Variants in STK39 observed in about 807,000 individuals in gnomAD.
STK39 encodes the protein STE20/SPS1-related proline-alanine-rich protein kinase.
STK39 carries 20 observed loss-of-function variants against 77.8 expected under a neutral mutation model. The ratio of observed to expected loss-of-function variants is 0.26; its 90% CI spans 0.18 to 0.37. The LOEUF (loss-of-function observed/expected upper bound fraction) is 0.37, where lower values mean the gene tolerates loss of function less well. STK39 is among the 10% of genes least tolerant of loss of function. STK39 has a pLI of 1.00. For missense variants in STK39, 479 were observed against 656.5 expected (o/e 0.73, Z 2.95); for synonymous variants, 246 against 234.1 (o/e 1.05, Z -0.47).
chr2:167,992,160 G>C (rs546262869), intron 16 of STK39, among the ~76,000 whole-genome samples: 1 of 152,024 alleles, frequency 6.6e-6, no homozygotes, highest in Non-Finnish European at 1.5e-5. Flanking sequence ...GGAGAAGAGG[G>C]GACAGAATTT....
At chr2:168,234,048 T>G (rs1342439630) in intron 1 of STK39, among the ~76,000 whole-genome samples, 2 of 152,200 alleles carry the variant, frequency 1.3e-5, no homozygotes, top group East Asian at 3.8e-4. Flanking sequence ...AGCTTGCAAA[T>G]AGGTACAGAG....
chr2:168,155,359 T>C (rs944893862), intron 5 of STK39, among the ~76,000 whole-genome samples: 1 of 152,152 alleles, frequency 6.6e-6, no homozygotes, highest in African/African-American at 2.4e-5. Context: ...CTTGGTTCAT[T>C]CTAGAGCTCT....
chr2:168,074,423 T>C (rs1398594906), intron 12 of STK39, among the ~76,000 whole-genome samples: 3 of 152,198 alleles, frequency 2.0e-5, no homozygotes, highest in South Asian at 2.1e-4. Context: ...GTAAATCAAA[T>C]ACGATCTCTT....
At chr2:168,081,265 A>G (rs1262831678) in intron 10 of STK39, among the ~76,000 whole-genome samples, 2 of 152,218 alleles carry the variant, frequency 1.3e-5, no homozygotes, top group African/African-American at 2.4e-5. Flanking sequence ...ACAAAGCCAC[A>G]GGGACAGAGG....
At position 167,954,050 on chromosome 2, in the gene STK39, T is replaced by C. The variant is rs971383680; in HGVS notation, c.*1446A>G. The C allele has an allele frequency of 6.6e-6, 1 of 152,646 alleles. No individual in the cohort carries two copies. The highest frequency in any genetic ancestry group is 1.5e-5 in the Non-Finnish European group (1 of 68,030). The allele number at this position is 152,646 out of a possible 1,614,324, so 9.5% of individuals were successfully genotyped here. ...TTGTGCAATACACTTTTATTTTCCT[T>C]TTACCTTTGCAGTCATCTTCGAGTA... On this transcript the variant is annotated 3_prime_UTR_variant, in exon 18 of 18. Coordinates refer to ENST00000355999, the MANE Select transcript of STK39 (RefSeq NM_013233.3).
At chr2:167,985,965 T>C (rs1319760228) in intron 16 of STK39, among the ~76,000 whole-genome samples, 1 of 152,184 alleles carries the variant, frequency 6.6e-6, no homozygotes, top group Non-Finnish European at 1.5e-5. Flanking sequence ...GAAAGGAAAT[T>C]CCGAATATGC....
chr2:167,962,532 A>G (rs181942675), intron 17 of STK39, among the ~76,000 whole-genome samples: 3 of 152,194 alleles, frequency 2.0e-5, no homozygotes, highest in Non-Finnish European at 4.4e-5. Flanking sequence ...ATAAGCCATC[A>G]ATTTCCATTT....
chr2:168,077,477 A>G (rs1686110680), intron 10 of STK39, among the ~76,000 whole-genome samples: 1 of 152,184 alleles, frequency 6.6e-6, no homozygotes, highest in Admixed American at 6.5e-5. Flanking sequence ...AATGTCTAGG[A>G]TTATAGCTCT....
At chr2:168,142,849 C>T (rs972244133) in intron 5 of STK39, among the ~76,000 whole-genome samples, 2 of 152,160 alleles carry the variant, frequency 1.3e-5, no homozygotes, top group Non-Finnish European at 2.9e-5. Context: ...CTCCTATGTA[C>T]GGCTGATGTG....
chr2:167,962,111 A>C (rs1171470904), intron 17 of STK39, among the ~76,000 whole-genome samples: 1 of 152,194 alleles, frequency 6.6e-6, no homozygotes, highest in Non-Finnish European at 1.5e-5. Flanking sequence ...GCTGTTCTTT[A>C]GACAATTTTC....
intron 8 of STK39, among the ~76,000 whole-genome samples, chr2:168,131,394 C>T (rs918632872): frequency 3.3e-5 from 5 of 151,836 alleles, no homozygotes; most frequent in African/African-American, 9.7e-5. Context: ...GGGGGTGGGG[C>T]GGGGCAAGTT....
At chr2:168,166,465 A>T (rs1203967995) in intron 3 of STK39, among the ~76,000 whole-genome samples, 4 of 152,238 alleles carry the variant, frequency 2.6e-5, no homozygotes, top group Non-Finnish European at 5.9e-5. Context: ...CCCAAATGCA[A>T]CAATAGGATG....
chr2:168,173,087 G>A (rs72876904), intron 2 of STK39, among the ~76,000 whole-genome samples: 77 of 152,208 alleles, frequency 5.1e-4, no homozygotes, highest in African/African-American at 1.7e-3. Context: ...GTGCTGAAAT[G>A]TATTTTTCTT....
chr2:168,181,580 T>C (rs979709039), intron 2 of STK39, among the ~76,000 whole-genome samples: 2 of 151,972 alleles, frequency 1.3e-5, no homozygotes, highest in African/African-American at 4.8e-5. Flanking sequence ...GACCAACAAA[T>C]AGTTTGGGGG....
intron 5 of STK39, among the ~76,000 whole-genome samples, chr2:168,156,950 C>T (rs956781784): frequency 6.6e-6 from 1 of 152,210 alleles, no homozygotes; most frequent in African/African-American, 2.4e-5. Flanking sequence ...TCTTAAACCC[C>T]TACCCTCCCC....
intron 1 of STK39, among the ~76,000 whole-genome samples, chr2:168,233,343 T>A (rs1690509809): frequency 6.6e-6 from 1 of 152,200 alleles, no homozygotes; most frequent in African/African-American, 2.4e-5. Flanking sequence ...CATTCTCTGT[T>A]ACAGCTCCGG....
chr2:168,199,409 G>A (rs924405946), intron 1 of STK39, among the ~76,000 whole-genome samples: 1 of 152,186 alleles, frequency 6.6e-6, no homozygotes, highest in Non-Finnish European at 1.5e-5. Flanking sequence ...CTGGAAAACT[G>A]GGAAAATCGT....
chr2:168,229,044 T>C (rs971113767), intron 1 of STK39, among the ~76,000 whole-genome samples: 1 of 152,124 alleles, frequency 6.6e-6, no homozygotes, highest in African/African-American at 2.4e-5. Flanking sequence ...TATTTTATGA[T>C]AAGGGCTTTT....
intron 2 of STK39, among the ~76,000 whole-genome samples, chr2:168,171,121 A>C (rs1036120025): frequency 3.9e-5 from 6 of 152,224 alleles, no homozygotes; most frequent in Non-Finnish European, 7.3e-5. Context: ...AGGCTGACAG[A>C]GCTGTTCATG....
Sources: gnomAD v4.1 joint callset for allele counts (sites outside exome capture counted in the v4.1 genomes callset) on GRCh38, gnomAD v4.1.1 for gene constraint, MANE v1.5 for transcripts, NCBI Gene and HGNC (gene_info 2026-07-23, HGNC 2026-07-21) for gene names.